The following MYH11 variants were observed in gnomAD, a reference collection of about 807,000 sequenced individuals.
The protein encoded by MYH11 is myosin heavy chain 11, also known as myosin-11.
Under a neutral mutation model 246.6 loss-of-function variants are expected in MYH11, and 80 were observed. The ratio of observed to expected loss-of-function variants is 0.32; its 90% CI spans 0.27 to 0.39. MYH11 has a LOEUF of 0.39. Among genes scored for constraint, MYH11 ranks in the 10% least tolerant of loss-of-function variants. The probability of loss-of-function intolerance (pLI) is 1.00; values close to 1 mark genes in which losing one functional copy is unlikely to be tolerated. For synonymous variants in MYH11, 1,071 were observed against 1,015.5 expected, an observed-to-expected ratio of 1.05 and a Z score of -1.04; for missense variants, 2,158 against 2,546.8, an observed-to-expected ratio of 0.85 and a Z score of 3.29.
rs1482853915 is a variant in MYH11 at position 15,750,379 on chromosome 16, T to A, written c.1865-48A>T. The stretch of plus-strand genomic sequence containing the variant: ...CATCAGCCTCTGGCCCACCCACCCC[T>A]AAATAGGCCAGAGGCTCAGCCCCAG... On this transcript the variant is annotated intron_variant, in intron 15 of 40. Transcript: ENST00000300036. This position sits in a 1 kb window ranked among gnomAD's most constrained non-coding sequence, Gnocchi z 4.3. The A allele has an allele frequency of 1.3e-6, 2 of 1,532,252 alleles. No individual in the cohort carries two copies. Among genetic ancestry groups the A allele is most frequent in the Non-Finnish European group, 1.8e-6 (2 of 1,139,008 alleles). 94.9% of individuals were successfully genotyped at this position (1,532,252 alleles called of 1,614,324 possible).
At chr16:15,807,356 A>C (rs1360361962) in intron 3 of MYH11, among the ~76,000 whole-genome samples, 3 of 152,130 alleles carry the variant, frequency 2.0e-5, no homozygotes, top group Non-Finnish European at 4.4e-5. Flanking sequence ...AGATGGGCAA[A>C]GAAATGACCG....
intron 22 of MYH11, among the ~76,000 whole-genome samples, chr16:15,740,533 C>A (rs1401624401): frequency 6.6e-6 from 1 of 151,748 alleles, no homozygotes. Context: ...ATCGCTTGAA[C>A]CCGAGAGGCA....
At chr16:15,786,188 A>G in intron 5 of MYH11, 1 of 345,950 alleles carries the variant, frequency 2.9e-6, no homozygotes. Flanking sequence ...ACATCTGACA[A>G]TGTCTAGAGA....
At chr16:15,845,005 G>A (rs923991268) in intron 1 of MYH11, among the ~76,000 whole-genome samples, 5 of 152,184 alleles carry the variant, frequency 3.3e-5, no homozygotes, top group Non-Finnish European at 5.9e-5. Context: ...ATAACCTGTA[G>A]TCATGTAAAG....
intron 7 of MYH11, among the ~76,000 whole-genome samples, chr16:15,777,282 T>C (rs2042244949): frequency 6.6e-6 from 1 of 152,030 alleles, no homozygotes. Context: ...CCACCACGCC[T>C]GGATAATTTT....
intron 3 of MYH11, among the ~76,000 whole-genome samples, chr16:15,818,513 A>G (rs1172402524): frequency 1.3e-5 from 2 of 151,938 alleles, no homozygotes; most frequent in African/African-American, 2.4e-5. Context: ...GCTCACTGCA[A>G]GCTCCGCCTC....
chr16:15,799,402 A>G (rs1284380348), intron 3 of MYH11, among the ~76,000 whole-genome samples: 4 of 152,150 alleles, frequency 2.6e-5, no homozygotes, highest in African/African-American at 7.2e-5. Flanking sequence ...CAAGCAGCCC[A>G]GTTTCTGTCA....
In MYH11 at chr16:15,823,051, C is replaced by T. The variant is rs1180317880; in HGVS notation, c.502+204G>A. 5.9e-5 allele frequency among the ~76,000 whole-genome samples: 9 copies of T among 152,396 alleles called. No homozygotes were observed. In the South Asian group the frequency reaches 6.2e-4, roughly 11 times the overall value. On this transcript the variant is annotated intron_variant, in intron 3 of 40. Transcript: ENST00000300036. ...GCTGGAGCTGGAGCGGGCCCATGCC[C>T]GTATTTGCCCAAGCTCTTGGCTCTC...
At chr16:15,800,255 A>G (rs924029131) in intron 3 of MYH11, among the ~76,000 whole-genome samples, 1 of 150,690 alleles carries the variant, frequency 6.6e-6, no homozygotes, top group African/African-American at 2.4e-5. Flanking sequence ...TGGATAGGTA[A>G]ATGGACGGGA....
intron 9 of MYH11, among the ~76,000 whole-genome samples, chr16:15,771,298 C>A (rs1438449032): frequency 6.6e-6 from 1 of 152,114 alleles, no homozygotes; most frequent in Non-Finnish European, 1.5e-5. Context: ...CTGTGCCTAA[C>A]CTCCCTGAAC....
intron 40 of MYH11, among the ~76,000 whole-genome samples, chr16:15,710,668 T>C (rs532801273): frequency 6.6e-6 from 1 of 151,548 alleles, no homozygotes; most frequent in Non-Finnish European, 1.5e-5. Flanking sequence ...GCAGAGCACA[T>C]CTGAGGGTTT....
chr16:15,834,779 A>C (rs944897218), intron 2 of MYH11, among the ~76,000 whole-genome samples: 1 of 152,148 alleles, frequency 6.6e-6, no homozygotes, highest in African/African-American at 2.4e-5. Context: ...GGACATATTT[A>C]ATAGTTACGG....
chr16:15,853,115 T>A (rs979486149), intron 1 of MYH11, among the ~76,000 whole-genome samples: 2 of 152,178 alleles, frequency 1.3e-5, no homozygotes, highest in Non-Finnish European at 2.9e-5. Flanking sequence ...CTGGGCCTTG[T>A]ATTTTTCAGC....
At chr16:15,795,429 T>C (rs185925837) in intron 4 of MYH11, among the ~76,000 whole-genome samples, 176 of 152,086 alleles carry the variant, frequency 1.2e-3, no homozygotes, top group African/African-American at 4.0e-3. Context: ...CTGACCAACA[T>C]GACAAAACCC....
rs1354299369 is a variant in MYH11, at chr16:15,717,184, C to T, written c.5460G>A (p.Glu1820=). Residue 1820 remains glutamate, a synonymous_variant, in exon 38 of 41, where the codon GAG becomes GAA. Transcript: ENST00000300036. ...SKFKSTIAAL[E]AKIAQLEEQV... is the part of the protein sequence containing the mutation. ...GCTCCTCCAGCTGTGCAATCTTGGC[C>T]TCCAGCGCCGCGATGGTGGACTTGA... is the stretch of plus-strand genomic sequence containing the variant. The T allele has an allele frequency of 1.9e-6, 3 of 1,614,104 alleles. No homozygotes were observed. The highest frequency in any genetic ancestry group is 2.5e-6 in the Non-Finnish European group (3 of 1,180,050).
intron 9 of MYH11, among the ~76,000 whole-genome samples, chr16:15,771,137 A>G (rs945080989): frequency 1.3e-5 from 2 of 151,790 alleles, no homozygotes; most frequent in African/African-American, 4.9e-5. Context: ...TAGGACTACA[A>G]GTGTGCACCA....
chr16:15,727,605 TA>T (rs1362723051), intron 27 of MYH11, among the ~76,000 whole-genome samples: 1 of 152,158 alleles, frequency 6.6e-6, no homozygotes, highest in Admixed American at 6.5e-5. Context: ...TCACTACTTT[TA>T]AAAAAATGAG....
In MYH11 at chr16:15,821,902, G is replaced by A. The variant is rs1047880495; in HGVS notation, c.502+1353C>T. On this transcript the variant is annotated intron_variant, in intron 3 of 40. Transcript: ENST00000300036. Reference sequence around the variant, plus strand: ...CACTGCAGTCCGCAGTCCGGCCTGGGCGACAGAGCGAGACTCCGTCTCAAA... The same window carrying A: ...CACTGCAGTCCGCAGTCCGGCCTGGACGACAGAGCGAGACTCCGTCTCAAA... Among the ~76,000 whole-genome samples the A allele has an allele frequency of 1.2e-4, 13 of 112,318 alleles. 1 individual carries two copies. The highest frequency in any genetic ancestry group is 4.3e-4 in the African/African-American group (13 of 29,900). 73.7% of individuals were successfully genotyped at this position (112,318 alleles called of 152,430 possible). A position where few individuals can be genotyped will look rare whatever the true frequency, so the allele number is the denominator to read the frequency against.
intron 23 of MYH11, among the ~76,000 whole-genome samples, chr16:15,739,759 T>C (rs1034284238): frequency 1.3e-5 from 2 of 152,134 alleles, no homozygotes; most frequent in African/African-American, 4.8e-5. Context: ...TTTTTTTTTT[T>C]TTGAAACAGA....
Sources: gnomAD v4.1 joint callset for allele counts (sites outside exome capture counted in the v4.1 genomes callset) on GRCh38, gnomAD v4.1.1 for gene constraint, Gnocchi (gnomAD v3.1) non-coding constraint, MANE v1.5 for transcripts, NCBI Gene and HGNC (gene_info 2026-07-23, HGNC 2026-07-21) for gene names.